The following TDRD5 variants were observed in gnomAD, a reference collection of about 807,000 sequenced individuals.
TDRD5 encodes the protein tudor domain-containing protein 5.
In TDRD5, 41 loss-of-function variants were observed where a neutral mutation model predicts 120.6. That is an observed-to-expected ratio of 0.34 (90% CI 0.26 to 0.44). TDRD5 has a LOEUF of 0.44. Among genes scored for constraint, TDRD5 ranks in the 20% least tolerant of loss-of-function variants. The pLI, the probability that TDRD5 is intolerant of heterozygous loss-of-function variation, is 1.00. For missense variants in TDRD5, 1,006 were observed against 1,221.2 expected, an observed-to-expected ratio of 0.82 and a Z score of 2.63; for synonymous variants, 430 against 433.7, an observed-to-expected ratio of 0.99 and a Z score of 0.11.
chr1:179,618,324 G>C (rs1676666988), intron 4 of TDRD5, among the ~76,000 whole-genome samples: 2 of 152,154 alleles, frequency 1.3e-5, no homozygotes. Context: ...CTGGGTAAGA[G>C]TATGGGATTG....
At chr1:179,658,010 C>T (rs1310087386) in intron 14 of TDRD5, among the ~76,000 whole-genome samples, 1 of 152,138 alleles carries the variant, frequency 6.6e-6, no homozygotes, top group Non-Finnish European at 1.5e-5. Context: ...CCAATCCCTC[C>T]ACCTCCTAGC....
intron 14 of TDRD5, among the ~76,000 whole-genome samples, chr1:179,656,093 T>C (rs970386465): frequency 1.3e-5 from 2 of 152,236 alleles, no homozygotes; most frequent in African/African-American, 4.8e-5. Flanking sequence ...TCCATTTTCT[T>C]GTCAGCACTT....
Position 179,595,567 on chromosome 1 carries a change from G to A in TDRD5, c.641-61G>A, listed in dbSNP as rs541731807. 182 of 1,441,084 alleles carry A rather than the reference G, an allele frequency of 1.3e-4. No homozygotes were observed. The African/African-American group carries it at 1.9e-3, about 15-fold the overall frequency. 89.3% of individuals were successfully genotyped at this position (1,441,084 alleles called of 1,614,324 possible). A position where few individuals can be genotyped will look rare whatever the true frequency, so the allele number is the denominator to read the frequency against. ...ACAGTAGCCTCTGTATGTAGCCACC[G>A]GAAAATGAAATAGAAGTTGCTAGTG... On this transcript the variant is annotated intron_variant, in intron 3 of 17. Coordinates refer to ENST00000444136, the MANE Select transcript of TDRD5 (RefSeq NM_001199085.3).
At chr1:179,628,501 T>C (rs1677263206) in intron 6 of TDRD5, among the ~76,000 whole-genome samples, 1 of 150,372 alleles carries the variant, frequency 6.7e-6, no homozygotes, top group Non-Finnish European at 1.5e-5. Context: ...AGGCAGAGTC[T>C]CATTATATTG....
At chr1:179,685,406 T>TCTGTTTTGGTACCAGTACCACG (rs2147818986) in intron 17 of TDRD5, among the ~76,000 whole-genome samples, 1 of 152,312 alleles carries the variant, frequency 6.6e-6, no homozygotes, top group African/African-American at 2.4e-5. Flanking sequence ...GGTCTATATC[T>TCTGTTTTGGTACCAGTACCACG]CTGTTTTGGT....
At position 179,648,422 on chromosome 1, in the gene TDRD5, G is replaced by A. The variant is rs537386957; in HGVS notation, c.1801-2445G>A. Reference sequence around the variant, plus strand: ...TGAGAACACATGGACACAGGAAGGGGAACATCACACTCTGGGGACTGTTGT... The same window carrying A: ...TGAGAACACATGGACACAGGAAGGGAAACATCACACTCTGGGGACTGTTGT... On this transcript the variant is annotated intron_variant, in intron 11 of 17. Transcript: ENST00000444136. 2.0e-3 allele frequency among the ~76,000 whole-genome samples: 210 copies of A among 105,320 alleles called. 5 individuals carry two copies. Among genetic ancestry groups the A allele is most frequent in the Non-Finnish European group, 3.5e-3 (180 of 50,888 alleles). 69.1% of individuals were successfully genotyped at this position (105,320 alleles called of 152,430 possible). A position where few individuals can be genotyped will look rare whatever the true frequency, so the allele number is the denominator to read the frequency against.
chr1:179,689,880 G>A (rs1681023672), intron 17 of TDRD5, among the ~76,000 whole-genome samples: 1 of 152,174 alleles, frequency 6.6e-6, no homozygotes, highest in Non-Finnish European at 1.5e-5. Context: ...CTCCTGGTGT[G>A]CCATTTGCTA....
chr1:179,656,100 A>C (rs1572406700), intron 14 of TDRD5, among the ~76,000 whole-genome samples: 1 of 152,340 alleles, frequency 6.6e-6, no homozygotes, highest in Non-Finnish European at 1.5e-5. Flanking sequence ...TCTTGTCAGC[A>C]CTTGACATTG....
intron 14 of TDRD5, among the ~76,000 whole-genome samples, chr1:179,658,869 CCTTT>C (rs1406589221): frequency 6.6e-6 from 1 of 151,946 alleles, no homozygotes; most frequent in African/African-American, 2.4e-5. Flanking sequence ...TGATTTGAGA[CCTTT>C]CTTTTCTAAT....
rs183230148 is a variant in TDRD5, at chr1:179,677,456, C to G, written c.2860+8052C>G. Among the ~76,000 whole-genome samples, 4 of 152,196 alleles carry G rather than the reference C, an allele frequency of 2.6e-5. No individual in the cohort carries two copies. In the East Asian group the frequency reaches 7.7e-4, roughly 29 times the overall value. On this transcript the variant is annotated intron_variant, in intron 17 of 17. Transcript: ENST00000444136. Reference sequence around the variant, plus strand: ...TTGTCATATTACCAGAATGATTTTTCTGGTTCCTTCTTATTTGAGTAGAGT... The same window carrying G: ...TTGTCATATTACCAGAATGATTTTTGTGGTTCCTTCTTATTTGAGTAGAGT...
At chr1:179,612,541 C>T (rs981770160) in intron 4 of TDRD5, among the ~76,000 whole-genome samples, 3 of 152,084 alleles carry the variant, frequency 2.0e-5, no homozygotes, top group Non-Finnish European at 4.4e-5. Context: ...CCACAGATTA[C>T]GTTGCTTTCT....
chr1:179,656,362 TA>T (rs1445294775), intron 14 of TDRD5, among the ~76,000 whole-genome samples: 1 of 152,210 alleles, frequency 6.6e-6, no homozygotes, highest in Non-Finnish European at 1.5e-5. Flanking sequence ...TTTTCAAAAA[TA>T]TTTTCTCACT....
In TDRD5 at chr1:179,650,983, A is replaced by G; in HGVS notation, c.1917A>G (p.Thr639=). 1 of 1,614,190 alleles carries G rather than the reference A, an allele frequency of 6.2e-7. No homozygotes were observed. Among genetic ancestry groups the G allele is most frequent in the East Asian group, 2.2e-5 (1 of 44,868 alleles). Residue 639 remains threonine, a synonymous_variant, in exon 12 of 18, where the codon ACA becomes ACG. Coordinates refer to ENST00000444136, the MANE Select transcript of TDRD5 (RefSeq NM_001199085.3). ...TCCTTAACATTTTTTTGTGTGACAC[A>G]TCCTCAAACGAAGATGTCTATTTCC... ...DGILNIFLCD[T]SSNEDVYFHH...
intron 16 of TDRD5, among the ~76,000 whole-genome samples, chr1:179,665,776 T>C (rs895555647): frequency 6.6e-6 from 1 of 152,192 alleles, no homozygotes; most frequent in African/African-American, 2.4e-5. Flanking sequence ...CCTTAAGGTA[T>C]ATTTCTTAAG....
chr1:179,611,173 A>G (rs1470234673), intron 4 of TDRD5, among the ~76,000 whole-genome samples: 2 of 151,816 alleles, frequency 1.3e-5, no homozygotes, highest in African/African-American at 4.8e-5. Flanking sequence ...TGCCTCAGCC[A>G]TCCAAGTAGC....
At chr1:179,597,290 TAC>T (rs756992723) in intron 4 of TDRD5, among the ~76,000 whole-genome samples, 2 of 151,872 alleles carry the variant, frequency 1.3e-5, no homozygotes, top group Non-Finnish European at 1.5e-5. Flanking sequence ...TTAATTTTGA[TAC>T]AGTCTAATTT....
At chr1:179,648,987 A>G (rs1035864033) in intron 11 of TDRD5, among the ~76,000 whole-genome samples, 6 of 152,198 alleles carry the variant, frequency 3.9e-5, no homozygotes, top group African/African-American at 1.4e-4. Flanking sequence ...GGATTTACTA[A>G]GTATAGAATT....
intron 11 of TDRD5, among the ~76,000 whole-genome samples, chr1:179,641,654 G>A (rs899362355): frequency 3.3e-5 from 5 of 152,158 alleles, no homozygotes; most frequent in Non-Finnish European, 7.3e-5. Flanking sequence ...TTGGGAGCGA[G>A]GGTTTTTTGG....
At chr1:179,677,338 A>T (rs1438346253) in intron 17 of TDRD5, among the ~76,000 whole-genome samples, 6 of 151,974 alleles carry the variant, frequency 3.9e-5, no homozygotes, top group African/African-American at 1.5e-4. Context: ...AACCTTCTGA[A>T]ATCTTTTTCT....
Sources: allele counts gnomAD v4.1 joint callset (sites outside exome capture counted in the v4.1 genomes callset), GRCh38; gene constraint gnomAD v4.1.1; transcripts MANE v1.5; gene names NCBI Gene and HGNC (gene_info 2026-07-23, HGNC 2026-07-21).